Variants in ANKS1B observed in about 807,000 individuals in gnomAD.
The protein encoded by ANKS1B is ankyrin repeat and sterile alpha motif domain-containing protein 1B.
ANKS1B carries 36 observed loss-of-function variants against 148.3 expected under a neutral mutation model. The ratio of observed to expected loss-of-function variants is 0.24; its 90% CI spans 0.19 to 0.32. The LOEUF (loss-of-function observed/expected upper bound fraction) is 0.32. Ranked by LOEUF, ANKS1B falls within the 10% of genes least tolerant of loss-of-function variation. The probability of loss-of-function intolerance (pLI) is 1.00; values close to 1 mark genes in which losing one functional copy is unlikely to be tolerated. For missense variants in ANKS1B, 1,157 were observed against 1,542.6 expected (o/e 0.75, Z 4.19); for synonymous variants, 542 against 560.8 (o/e 0.97, Z 0.47).
intron 12 of ANKS1B, among the ~76,000 whole-genome samples, chr12:99,371,769 A>T (rs909994335): frequency 6.6e-6 from 1 of 152,142 alleles, no homozygotes; most frequent in Non-Finnish European, 1.5e-5. Flanking sequence ...AAGGAAAAAA[A>T]CATTCCTGTG....
intron 12 of ANKS1B, among the ~76,000 whole-genome samples, chr12:99,333,854 G>GTTTTTTTTTTTTTTTTTTTTTTTTTTTT (rs10526476): frequency 9.3e-6 from 1 of 107,482 alleles, no homozygotes; most frequent in African/African-American, 4.0e-5. Context: ...CCAGTTCTCA[G>GTTTTTTTTTTTTTTTTTTTTTTTTTTTT]TTTTTTTTTT....
chr12:99,458,027 A>G (rs140971136), intron 10 of ANKS1B, among the ~76,000 whole-genome samples: 217 of 152,268 alleles, frequency 1.4e-3, no homozygotes, highest in African/African-American at 4.7e-3. Flanking sequence ...ATGATAGGCC[A>G]TAAAACAAGT....
At chr12:99,636,597 T>TG (rs1271168437) in intron 9 of ANKS1B, among the ~76,000 whole-genome samples, 3 of 152,054 alleles carry the variant, frequency 2.0e-5, no homozygotes, top group African/African-American at 7.2e-5. Context: ...ACCAGAAAAT[T>TG]TTTTTTAAAA....
chr12:98,895,116 C>A (rs1324693348), intron 17 of ANKS1B: 1 of 985,120 alleles, frequency 1.0e-6, no homozygotes, highest in African/African-American at 1.8e-5. Flanking sequence ...TCGGCTTGGC[C>A]GCCGGGGAGG....
chr12:99,512,320 C>A (rs933041756), intron 9 of ANKS1B, among the ~76,000 whole-genome samples: 1 of 151,998 alleles, frequency 6.6e-6, no homozygotes, highest in African/African-American at 2.4e-5. Context: ...CAACACTGAT[C>A]ATTAGAGAAT....
intron 1 of ANKS1B, among the ~76,000 whole-genome samples, chr12:99,950,191 G>A (rs2095181198): frequency 6.8e-6 from 1 of 147,800 alleles, no homozygotes; most frequent in Admixed American, 6.9e-5. Flanking sequence ...AAACTCCTGG[G>A]CTCAAACAAT....
chr12:99,895,704 G>A (rs717401), intron 1 of ANKS1B, among the ~76,000 whole-genome samples: 35,004 of 150,622 alleles, frequency 0.23, 5,106 homozygotes, highest in Non-Finnish European at 0.26. Flanking sequence ...TGAACTACCT[G>A]CTTAACACAC....
intron 16 of ANKS1B, among the ~76,000 whole-genome samples, chr12:99,081,952 G>T (rs892111958): frequency 3.9e-5 from 6 of 152,134 alleles, no homozygotes; most frequent in Non-Finnish European, 7.4e-5. Context: ...CAAGGATGTT[G>T]CACTGTCTCT....
chr12:98,865,477 G>A (rs1197107695), intron 17 of ANKS1B, among the ~76,000 whole-genome samples: 2 of 152,156 alleles, frequency 1.3e-5, no homozygotes, highest in African/African-American at 2.4e-5. Context: ...TGGGATATAA[G>A]AGTGGACAAA....
chr12:99,504,982 C>G (rs1219301948), intron 9 of ANKS1B, among the ~76,000 whole-genome samples: 1 of 151,906 alleles, frequency 6.6e-6, no homozygotes, highest in Non-Finnish European at 1.5e-5. Flanking sequence ...CTGGAGACAC[C>G]CATATAACTC....
At chr12:98,791,712 T>C (rs1310472787) in intron 22 of ANKS1B, among the ~76,000 whole-genome samples, 1 of 152,234 alleles carries the variant, frequency 6.6e-6, no homozygotes, top group Non-Finnish European at 1.5e-5. Flanking sequence ...TGCATGTTAC[T>C]GTGCCCAGCT....
chr12:99,962,303 G>A (rs1214086150), intron 1 of ANKS1B, among the ~76,000 whole-genome samples: 1 of 152,008 alleles, frequency 6.6e-6, no homozygotes, highest in African/African-American at 2.4e-5. Context: ...ATGCAGTTTG[G>A]TTTTCTGTTC....
At position 99,601,252 on chromosome 12, in the gene ANKS1B, C is replaced by A. The variant is rs556404622; in HGVS notation, c.1272+53815G>T. Among the ~76,000 whole-genome samples, 94 of 152,140 alleles carry A rather than the reference C, an allele frequency of 6.2e-4. 1 individual carries two copies. The highest frequency in any genetic ancestry group is 2.1e-3 in the African/African-American group (89 of 41,532). On this transcript the variant is annotated intron_variant, in intron 9 of 26. Transcript: ENST00000683438. ...TACATCTGCCTTTTATTTCTGCCTA[C>A]GAAGATTTTAACAAATTTTTAACCT...
chr12:99,208,021 T>C (rs2082889132), intron 14 of ANKS1B, among the ~76,000 whole-genome samples: 1 of 152,138 alleles, frequency 6.6e-6, no homozygotes, highest in Admixed American at 6.6e-5. Flanking sequence ...AACTAGAATT[T>C]GATCTCCTGT....
chr12:99,200,451 C>T (rs1357094196), intron 14 of ANKS1B, among the ~76,000 whole-genome samples: 1 of 152,174 alleles, frequency 6.6e-6, no homozygotes, highest in African/African-American at 2.4e-5. Context: ...AACTATGTAG[C>T]AGATTCTAGT....
chr12:99,456,113 C>CT (rs2095843694), intron 10 of ANKS1B, among the ~76,000 whole-genome samples: 1 of 152,108 alleles, frequency 6.6e-6, no homozygotes, highest in Non-Finnish European at 1.5e-5. Flanking sequence ...TCTTTGCAGA[C>CT]ACTCCCAGTA....
intron 24 of ANKS1B, among the ~76,000 whole-genome samples, chr12:98,779,970 T>C (rs1029765876): frequency 9.9e-5 from 15 of 152,176 alleles, no homozygotes; most frequent in Admixed American, 2.6e-4. Flanking sequence ...CCAAGCAGAT[T>C]TGGGGAACTT....
intron 17 of ANKS1B, among the ~76,000 whole-genome samples, chr12:98,982,609 G>T (rs1055201988): frequency 8.6e-5 from 13 of 152,010 alleles, no homozygotes; most frequent in African/African-American, 3.1e-4. Context: ...TATTGTTAGG[G>T]TTTGCATATT....
At chr12:99,478,873 C>T (rs896290399) in intron 10 of ANKS1B, among the ~76,000 whole-genome samples, 1 of 152,058 alleles carries the variant, frequency 6.6e-6, no homozygotes, top group Admixed American at 6.6e-5. Context: ...CATTCTTCAA[C>T]AGAAATAGCG....
Sources: allele counts gnomAD v4.1 joint callset (sites outside exome capture counted in the v4.1 genomes callset), GRCh38; gene constraint gnomAD v4.1.1; transcripts MANE v1.5; gene names NCBI Gene and HGNC (gene_info 2026-07-23, HGNC 2026-07-21).